The following KLHL8 variants were observed in gnomAD, a reference collection of about 807,000 sequenced individuals.
The protein encoded by KLHL8 is kelch like family member 8.
Under a neutral mutation model 63.5 loss-of-function variants are expected in KLHL8, and 38 were observed. That is an observed-to-expected ratio of 0.60 (90% confidence interval 0.46 to 0.78). The LOEUF (loss-of-function observed/expected upper bound fraction) is 0.78, where lower values mean the gene tolerates loss of function less well. KLHL8 is among the 30% of genes least tolerant of loss of function. The probability of loss-of-function intolerance (pLI) is 0.00; values close to 1 mark genes in which losing one functional copy is unlikely to be tolerated. For synonymous variants in KLHL8, 224 were observed against 254.3 expected (o/e 0.88, Z 1.13); for missense variants, 566 against 752.4 (o/e 0.75, Z 2.90).
At position 87,163,557 on chromosome 4, in the gene KLHL8, C is replaced by T. The variant is rs909787341; in HGVS notation, c.1825G>A (p.Val609Ile). 5.0e-6 allele frequency: 8 copies of T among 1,614,060 alleles called. No homozygotes were observed. The highest frequency in any genetic ancestry group is 1.1e-5 in the South Asian group (1 of 91,094). Reference sequence around the variant, plus strand: ...ACCACATTATTGGATCCATGACCTACATCTCGAATTTGGCTAGTTAAACAG... The same window carrying T: ...ACCACATTATTGGATCCATGACCTATATCTCGAATTTGGCTAGTTAAACAG... The part of the protein sequence containing the change: ...CSCLTSQIRD[V>I]GHGSNNVVDC... Residue 609 changes from valine (V) to isoleucine (I), a missense_variant, in exon 10 of 10, where the codon GTA becomes ATA. Transcript: ENST00000273963.
chr4:87,234,178 G>A (rs1281878629), intron 1 of KLHL8, among the ~76,000 whole-genome samples: 1 of 152,158 alleles, frequency 6.6e-6, no homozygotes, highest in African/African-American at 2.4e-5. Context: ...GGTGGCTCAC[G>A]CCTGTAACCC....
chr4:87,238,629 T>G (rs1284477789), intron 1 of KLHL8, among the ~76,000 whole-genome samples: 2 of 152,222 alleles, frequency 1.3e-5, no homozygotes, highest in African/African-American at 4.8e-5. Context: ...AATTGTTAAT[T>G]TTATTTAATA....
At position 87,183,284 on chromosome 4, in the gene KLHL8, T is replaced by A; in HGVS notation, c.871A>T (p.Asn291Tyr). 6.2e-7 allele frequency: 1 copy of A among 1,613,918 alleles called. No individual in the cohort carries two copies. The highest frequency in any genetic ancestry group is 8.5e-7 in the Non-Finnish European group (1 of 1,179,866). The part of the protein sequence containing the change: ...KCRDLLDEAR[N>Y]YHLHLSSRAV... ...CTGCTACTCAAGTGAAGGTGGTAAT[T>A]TCTTGCTTCATCCAGTAAATCTCTA... Residue 291 changes from asparagine (N) to tyrosine (Y), a missense_variant, in exon 4 of 10, where the codon AAT (asparagine) becomes TAT (tyrosine). Asn to Tyr is a moderately radical substitution (Grantham distance 143). Transcript: ENST00000273963.
At chr4:87,198,079 G>C (rs987908205) in intron 1 of KLHL8, among the ~76,000 whole-genome samples, 1 of 151,126 alleles carries the variant, frequency 6.6e-6, no homozygotes, top group Non-Finnish European at 1.5e-5. Context: ...AGCACTTTGG[G>C]AGACCAAGGT....
rs1730923288 is a variant in KLHL8 at position 87,178,560 on chromosome 4, C to T, written c.1013G>A (p.Cys338Tyr). ...GSGDPFRSIECYSINKNSWFF... is the reference protein window; with the variant it reads ...GSGDPFRSIEYYSINKNSWFF... ...CCAACTGTTTTTGTTGATAGAATAGCATTCAATACTGCGAAAGGGGTCACC... is the reference window on the plus strand; with the variant it reads ...CCAACTGTTTTTGTTGATAGAATAGTATTCAATACTGCGAAAGGGGTCACC... The change falls in exon 5 of 10, where the codon TGC becomes TAC. Residue 338 changes from cysteine (C) to tyrosine (Y), a missense_variant. Cys to Tyr is a radical substitution (Grantham distance 194, BLOSUM62 -2). Coordinates refer to ENST00000273963, the MANE Select transcript of KLHL8 (RefSeq NM_020803.5). 6.2e-7 allele frequency: 1 copy of T among 1,610,666 alleles called. No homozygotes were observed. Among genetic ancestry groups the T allele is most frequent in the African/African-American group, 1.3e-5 (1 of 74,654 alleles).
chr4:87,178,755 G>A (rs1220805424), intron 4 of KLHL8, 135 bp from the exon 5 acceptor site: 1 of 821,036 alleles, frequency 1.2e-6, no homozygotes, highest in African/African-American at 1.8e-5. Context: ...TATGTTACTA[G>A]AAATCTAATA....
upstream of KLHL8, among the ~76,000 whole-genome samples, chr4:87,225,370 AGAAAAT>A (rs1479256069): frequency 6.6e-6 from 1 of 152,164 alleles, no homozygotes; most frequent in Non-Finnish European, 1.5e-5. Flanking sequence ...CTCCTTAAAT[AGAAAAT>A]AACAGCATAG....
chr4:87,197,531 G>A (rs1420648293), intron 1 of KLHL8, among the ~76,000 whole-genome samples: 1 of 152,132 alleles, frequency 6.6e-6, no homozygotes, highest in Non-Finnish European at 1.5e-5. Context: ...TAGCTTTATT[G>A]CAGCCTTATG....
At chr4:87,163,738 G>A (rs1177731320) in intron 9 of KLHL8, 96 bp from the exon 10 acceptor site, 2 of 1,558,952 alleles carry the variant, frequency 1.3e-6, no homozygotes, top group African/African-American at 2.7e-5. Context: ...GACTGGTTTT[G>A]TAGGACAGCA....
chr4:87,238,858 G>T (rs536932148), intron 1 of KLHL8, among the ~76,000 whole-genome samples: 13 of 152,152 alleles, frequency 8.5e-5, no homozygotes, highest in Non-Finnish European at 1.8e-4. Context: ...GGCTCCATGA[G>T]ATAATGTAAT....
intron 1 of KLHL8, 71 bp from the exon 2 acceptor site, chr4:87,195,761 A>C (rs1731671794): frequency 4.6e-6 from 2 of 438,696 alleles, no homozygotes; most frequent in African/African-American, 2.0e-5. Context: ...ATAATTTGTT[A>C]ATACTATATA....
intron 1 of KLHL8, among the ~76,000 whole-genome samples, chr4:87,198,274 C>T (rs1018757697): frequency 6.6e-6 from 1 of 152,114 alleles, no homozygotes; most frequent in Non-Finnish European, 1.5e-5. Context: ...GAGCTGAGAT[C>T]ACACCACTGC....
At chr4:87,184,966 CATAA>C (rs1731194753) in intron 3 of KLHL8, among the ~76,000 whole-genome samples, 1 of 152,032 alleles carries the variant, frequency 6.6e-6, no homozygotes, top group Non-Finnish European at 1.5e-5. Context: ...TTTCTATTGG[CATAA>C]ATAAAATATT....
chr4:87,214,457 T>A (rs942695243), intron 1 of KLHL8, among the ~76,000 whole-genome samples: 5 of 121,200 alleles, frequency 4.1e-5, no homozygotes, highest in Non-Finnish European at 8.5e-5. Flanking sequence ...TATATATATA[T>A]ATAATTGTCA....
chr4:87,208,159 C>T, intron 1 of KLHL8: 2 of 386,986 alleles, frequency 5.2e-6, no homozygotes, highest in Admixed American at 3.4e-5. Context: ...CTGGGGAGTC[C>T]CTGCCACACT....
intron 2 of KLHL8, among the ~76,000 whole-genome samples, chr4:87,193,255 TTTTC>T (rs1168186795): frequency 6.6e-6 from 1 of 152,130 alleles, no homozygotes; most frequent in Non-Finnish European, 1.5e-5. Flanking sequence ...CTTAAAATTT[TTTTC>T]TTTTACTTTT....
At position 87,178,597 on chromosome 4, in the gene KLHL8, GACC is replaced by G. The variant is rs1560695772; in HGVS notation, c.973_975del (p.Gly325del). On this transcript the variant is annotated inframe_deletion, in exon 5 of 10. Coordinates refer to ENST00000273963, the MANE Select transcript of KLHL8 (RefSeq NM_020803.5). ...CGAAAGGGGTCACCAGATCCACCTC[GACC>G]ACCTACACAAAACAGCACACCTAAA... The G allele has an allele frequency of 6.3e-7, 1 of 1,598,842 alleles. No individual in the cohort carries two copies. The highest frequency in any genetic ancestry group is 1.8e-5 in the Admixed American group (1 of 56,194).
intron 1 of KLHL8, among the ~76,000 whole-genome samples, chr4:87,214,163 C>A (rs1251282110): frequency 2.0e-5 from 3 of 149,730 alleles, no homozygotes; most frequent in African/African-American, 4.9e-5. Flanking sequence ...CATGAGATTG[C>A]AATTATTAGG....
intron 2 of KLHL8, among the ~76,000 whole-genome samples, chr4:87,190,969 T>C (rs1444070231): frequency 6.6e-6 from 1 of 152,234 alleles, no homozygotes; most frequent in African/African-American, 2.4e-5. Flanking sequence ...AATCACAGTT[T>C]AGTTATAATT....
Sources: gnomAD v4.1 joint callset for allele counts (sites outside exome capture counted in the v4.1 genomes callset) on GRCh38, gnomAD v4.1.1 for gene constraint, MANE v1.5 for transcripts, NCBI Gene and HGNC (gene_info 2026-07-23, HGNC 2026-07-21) for gene names.